The following ORC4 variants were observed in gnomAD, a reference collection of about 807,000 sequenced individuals.
The protein encoded by ORC4 is origin recognition complex, subunit 4 homolog.
Under a neutral mutation model 63.9 loss-of-function variants are expected in ORC4, and 55 were observed. That is an observed-to-expected ratio of 0.86 (90% confidence interval 0.69 to 1.08). ORC4 has a LOEUF of 1.08. Ranked by LOEUF, ORC4 falls within the 50% of genes least tolerant of loss-of-function variation. The pLI is 0.00. For missense variants in ORC4, 511 were observed against 504.4 expected (o/e 1.01, Z -0.13); for synonymous variants, 150 against 168.5 (o/e 0.89, Z 0.85).
chr2:148,000,257 A>AATT (rs901688683), intron 1 of ORC4, among the ~76,000 whole-genome samples: 16 of 152,136 alleles, frequency 1.1e-4, no homozygotes, highest in Non-Finnish European at 1.8e-4. Context: ...ATAGACTCAT[A>AATT]ATAAGTAACA....
chr2:147,986,238 T>C (rs1691195437), intron 1 of ORC4, among the ~76,000 whole-genome samples: 1 of 152,160 alleles, frequency 6.6e-6, no homozygotes, highest in Non-Finnish European at 1.5e-5. Flanking sequence ...CTTTCTCCTC[T>C]AATAAAACAA....
At chr2:148,016,868 A>G (rs10084286) in intron 1 of ORC4, among the ~76,000 whole-genome samples, 2,914 of 152,340 alleles carry the variant, frequency 0.019, 89 homozygotes, top group African/African-American at 0.067. Flanking sequence ...CTCAAAATCA[A>G]TAATGAAAAC....
intron 10 of ORC4, among the ~76,000 whole-genome samples, chr2:147,941,808 CCCT>C (rs1284120719): frequency 1.3e-5 from 2 of 151,648 alleles, no homozygotes; most frequent in Non-Finnish European, 2.9e-5. Context: ...ACACACACAC[CCCT>C]CCTCTAAAAA....
chr2:147,987,024 G>T (rs1691244413), intron 1 of ORC4, among the ~76,000 whole-genome samples: 1 of 151,686 alleles, frequency 6.6e-6, no homozygotes, highest in African/African-American at 2.4e-5. Flanking sequence ...GTGTAAAAAA[G>T]GAACTTAAAA....
chr2:148,014,363 A>G (rs1693140794), intron 1 of ORC4, among the ~76,000 whole-genome samples: 1 of 152,212 alleles, frequency 6.6e-6, no homozygotes, highest in Non-Finnish European at 1.5e-5. Context: ...TGTCATGTGT[A>G]TAACAGAAGG....
chr2:147,948,288 AC>A, intron 8 of ORC4, 64 bp from the exon 9 acceptor site: 1 of 1,090,534 alleles, frequency 9.2e-7, no homozygotes, highest in Non-Finnish European at 1.4e-6. Flanking sequence ...AAAACACTGT[AC>A]CAATGTTAGA....
chr2:147,949,842 C>G (rs1688855001), intron 8 of ORC4, among the ~76,000 whole-genome samples: 1 of 152,084 alleles, frequency 6.6e-6, no homozygotes, highest in Non-Finnish European at 1.5e-5. Context: ...ATTATTTATT[C>G]TTTCCTATGT....
At chr2:147,976,942 ATGACTAAAAGACCTT>A (rs1690594227) in intron 1 of ORC4, among the ~76,000 whole-genome samples, 1 of 152,194 alleles carries the variant, frequency 6.6e-6, no homozygotes. Flanking sequence ...TCATAGACAA[ATGACTAAAAGACCTT>A]TGACTAAAAG....
intron 9 of ORC4, 83 bp downstream of exon 9, chr2:147,947,968 A>G (rs1688746553): frequency 1.9e-6 from 2 of 1,072,330 alleles, no homozygotes; most frequent in Admixed American, 3.5e-5. Context: ...CTTTGTGTTA[A>G]TTTACTAATT....
chr2:147,980,061 G>C (rs1466435363), intron 1 of ORC4, among the ~76,000 whole-genome samples: 1 of 152,168 alleles, frequency 6.6e-6, no homozygotes, highest in Non-Finnish European at 1.5e-5. Flanking sequence ...AATGAAAACA[G>C]ACATAAAACT....
chr2:147,991,597 G>C (rs975722252), intron 1 of ORC4, among the ~76,000 whole-genome samples: 1 of 152,194 alleles, frequency 6.6e-6, no homozygotes, highest in Middle Eastern at 3.4e-3. Flanking sequence ...GGGAGGCTGA[G>C]GCGGGTGGAT....
In ORC4 at chr2:147,975,976, C is replaced by T. The variant is rs755311887; in HGVS notation, c.-17-1G>A. ...CTGCTCATTTCAACAAATTCAAATC[C>T]TTTAAAAAAATTGGCATAAATATTA... On this transcript the variant is annotated splice_acceptor_variant, in intron 1 of 13. Transcript: ENST00000392857. LOFTEE classifies it low-confidence loss of function (5UTR_SPLICE). The T allele has an allele frequency of 2.1e-6, 3 of 1,458,542 alleles. No homozygotes were observed. The Admixed American group carries it at 5.6e-5, about 27-fold the overall frequency. 90.4% of individuals were successfully genotyped at this position (1,458,542 alleles called of 1,614,324 possible).
intron 1 of ORC4, among the ~76,000 whole-genome samples, chr2:148,016,264 G>T (rs1380922539): frequency 6.6e-6 from 1 of 152,166 alleles, no homozygotes; most frequent in Non-Finnish European, 1.5e-5. Flanking sequence ...CCGCGAAGAA[G>T]CTCCAAAGCA....
intron 1 of ORC4, among the ~76,000 whole-genome samples, chr2:147,990,061 C>T (rs543801758): frequency 6.6e-6 from 1 of 151,930 alleles, no homozygotes; most frequent in Non-Finnish European, 1.5e-5. Context: ...AAGAAAACAC[C>T]GAAAACAATA....
intron 3 of ORC4, among the ~76,000 whole-genome samples, chr2:147,973,167 G>A (rs1001596013): frequency 1.3e-5 from 2 of 152,128 alleles, no homozygotes; most frequent in Admixed American, 1.3e-4. Context: ...TCCATAGCTG[G>A]CTGCTGGGTA....
rs1687701930 is a variant in ORC4 at position 147,931,074 on chromosome 2, T to C, written c.*4436A>G. 1 of 146,510 alleles carries C rather than the reference T, an allele frequency of 6.8e-6. No homozygotes were observed. 9.1% of individuals were successfully genotyped at this position (146,510 alleles called of 1,614,324 possible). A position where few individuals can be genotyped will look rare whatever the true frequency, so the allele number is the denominator to read the frequency against. ...TCCTGTGTCCATGTGATCTCATTGT[T>C]CAATTCCCACCTATGAGTGAGAATA... is the stretch of plus-strand genomic sequence containing the variant. On this transcript the variant is annotated 3_prime_UTR_variant, in exon 14 of 14. Transcript: ENST00000392857.
chr2:147,974,369 C>A (rs560968046), intron 2 of ORC4, among the ~76,000 whole-genome samples: 20 of 152,248 alleles, frequency 1.3e-4, no homozygotes, highest in Non-Finnish European at 2.6e-4. Flanking sequence ...CGCTGTGGCT[C>A]ACGTCTGTAA....
At chr2:148,003,106 G>A (rs1027126781) in intron 1 of ORC4, among the ~76,000 whole-genome samples, 1 of 152,178 alleles carries the variant, frequency 6.6e-6, no homozygotes, top group Non-Finnish European at 1.5e-5. Flanking sequence ...TTCTGAAATT[G>A]AGGCAGTAAT....
At chr2:147,984,917 T>C (rs1210853698) in intron 1 of ORC4, among the ~76,000 whole-genome samples, 2 of 152,222 alleles carry the variant, frequency 1.3e-5, no homozygotes, top group Admixed American at 6.5e-5. Flanking sequence ...ATATTCATAC[T>C]CCCATTTTTC....
Sources: gnomAD v4.1 joint callset for allele counts (sites outside exome capture counted in the v4.1 genomes callset) on GRCh38, gnomAD v4.1.1 for gene constraint, MANE v1.5 for transcripts, NCBI Gene and HGNC (gene_info 2026-07-23, HGNC 2026-07-21) for gene names.